MED15: variants seen among roughly 807,000 people sequenced by gnomAD.
The protein encoded by MED15 is mediator of RNA polymerase II transcription subunit 15.
In MED15, 41 loss-of-function variants were observed where a neutral mutation model predicts 118.7. That is an observed-to-expected ratio of 0.35 (90% CI 0.27 to 0.45). MED15 has a LOEUF of 0.45. MED15 is among the 20% of genes least tolerant of loss of function. The probability of loss-of-function intolerance (pLI) is 1.00; values close to 1 mark genes in which losing one functional copy is unlikely to be tolerated. For missense variants in MED15, 740 were observed against 1,025.5 expected, an observed-to-expected ratio of 0.72 and a Z score of 3.80; for synonymous variants, 436 against 413.9, an observed-to-expected ratio of 1.05 and a Z score of -0.65.
chr22:20,561,457 T>C (rs1601587573), intron 5 of MED15, among the ~76,000 whole-genome samples: 1 of 151,316 alleles, frequency 6.6e-6, no homozygotes, highest in Non-Finnish European at 1.5e-5. Flanking sequence ...GAGGCGGAGG[T>C]TGCAGTGAAC....
At chr22:20,556,288 C>T (rs376300080) in intron 5 of MED15, among the ~76,000 whole-genome samples, 6 of 149,020 alleles carry the variant, frequency 4.0e-5, no homozygotes, top group East Asian at 2.0e-4. Flanking sequence ...AGAGACTTAG[C>T]TTGGACTTCA....
At position 20,563,532 on chromosome 22, in the gene MED15, G is replaced by A. The variant is rs192911708; in HGVS notation, c.452-918G>A. 3.3e-5 allele frequency among the ~76,000 whole-genome samples: 5 copies of A among 152,344 alleles called. No homozygotes were observed. The East Asian group carries it at 9.6e-4, about 29-fold the overall frequency. Reference sequence around the variant, plus strand: ...AGTTTGCGGGTCAGGGTTGCTGAGAGAGGTGGCAACACGAGGGATCCTTGT... The same window carrying A: ...AGTTTGCGGGTCAGGGTTGCTGAGAAAGGTGGCAACACGAGGGATCCTTGT... On this transcript the variant is annotated intron_variant, in intron 5 of 17. Transcript: ENST00000263205.
rs113036548 is a variant in MED15 at position 20,517,225 on chromosome 22, CT to C, written c.68+9480del. On this transcript the variant is annotated intron_variant, in intron 1 of 17. Coordinates refer to ENST00000263205, the MANE Select transcript of MED15 (RefSeq NM_001003891.3). ...AGTGTTGGATTACAGGCATGAGCCA[CT>C]ACGCCTGGCCATCCCCAGTTATTTT... Among the ~76,000 whole-genome samples, 829 of 152,230 alleles carry C rather than the reference CT, an allele frequency of 5.4e-3. 11 individuals carry two copies. The highest frequency in any genetic ancestry group is 0.018 in the African/African-American group (746 of 41,524).
intron 8 of MED15, among the ~76,000 whole-genome samples, chr22:20,572,577 C>T (rs1424083031): frequency 1.3e-5 from 2 of 152,218 alleles, no homozygotes; most frequent in Non-Finnish European, 2.9e-5. Flanking sequence ...GGCAATGTCA[C>T]CCACAAGGGG....
chr22:20,586,559 C>G lies in MED15; in HGVS notation c.2231-9C>G, dbSNP rs770847768. 3.7e-6 allele frequency: 6 copies of G among 1,611,670 alleles called. No homozygotes were observed. The highest frequency in any genetic ancestry group is 2.5e-6 in the Non-Finnish European group (3 of 1,179,324). On this transcript the variant is annotated splice_polypyrimidine_tract_variant and intron_variant, in intron 17 of 17. Coordinates refer to ENST00000263205, the MANE Select transcript of MED15 (RefSeq NM_001003891.3). The stretch of plus-strand genomic sequence containing the variant: ...CCGCCTTAGGTTCACGCCCACTGCT[C>G]TGTTGCAGACGCCAACCCCTTCCTC...
At chr22:20,530,342 A>G (rs1393244786) in intron 1 of MED15, among the ~76,000 whole-genome samples, 1 of 152,170 alleles carries the variant, frequency 6.6e-6, no homozygotes, top group Non-Finnish European at 1.5e-5. Flanking sequence ...TGTTTCTCAA[A>G]ATTAGAAAAT....
chr22:20,517,691 A>C (rs1250402218), intron 1 of MED15, among the ~76,000 whole-genome samples: 15 of 152,074 alleles, frequency 9.9e-5, no homozygotes, highest in Admixed American at 9.8e-4. Flanking sequence ...GGATTCCTAG[A>C]TCTGTCCAGT....
intron 3 of MED15, 88 bp downstream of exon 3, chr22:20,551,575 CG>C: frequency 7.8e-7 from 1 of 1,279,738 alleles, no homozygotes; most frequent in Non-Finnish European, 1.1e-6. Flanking sequence ...CTGGGCAGGC[CG>C]TGGTGCCTGA....
intron 13 of MED15, 97 bp downstream of exon 13, chr22:20,583,490 C>A: frequency 6.9e-7 from 1 of 1,457,418 alleles, no homozygotes; most frequent in Non-Finnish European, 9.5e-7. Flanking sequence ...ACAAAGGCAC[C>A]AGGCAGCTCT....
chr22:20,570,487 G>A (rs1313107904), intron 8 of MED15, among the ~76,000 whole-genome samples: 1 of 150,806 alleles, frequency 6.6e-6, no homozygotes, highest in Non-Finnish European at 1.5e-5. Flanking sequence ...TGCCTCCTGG[G>A]TTCAGGCGAT....
chr22:20,561,734 G>A (rs1042811750), intron 5 of MED15, among the ~76,000 whole-genome samples: 47 of 152,092 alleles, frequency 3.1e-4, no homozygotes, highest in African/African-American at 1.1e-3. Context: ...ATGAAGAAAG[G>A]CCAAGTGCAG....
At position 20,584,423 on chromosome 22, in the gene MED15, G is replaced by C; in HGVS notation, c.1801G>C (p.Val601Leu). 3.1e-6 allele frequency: 5 copies of C among 1,613,696 alleles called. No individual in the cohort carries two copies. Among genetic ancestry groups the C allele is most frequent in the Non-Finnish European group, 4.2e-6 (5 of 1,179,784 alleles). ...GGAGAAACTCAAGAATGACATGGCG[G>C]TGGTGAGTGGGATGCCAGACACCCC... ...ALEKLKNDMA[V>L]PTPPPPPVPP... Residue 601 changes from valine (V) to leucine (L), a missense_variant and splice_region_variant, in exon 14 of 18, where the codon GTG (valine) becomes CTG (leucine). Val to Leu is a conservative substitution (Grantham distance 32). This residue lies in a region of MED15 where 179 missense variants were observed against 259.0 expected (regional missense o/e 0.69). Coordinates refer to ENST00000263205, the MANE Select transcript of MED15 (RefSeq NM_001003891.3).
rs1212560736 is a variant in MED15 at position 20,566,392 on chromosome 22, C to T, written c.691-75C>T. On this transcript the variant is annotated intron_variant, in intron 6 of 17. Transcript: ENST00000263205. ...ATGGCCACCTGGGCTTCCTGAGGCC[C>T]AGACTGTCACAGGGAGGAGCTGGTG... is the stretch of plus-strand genomic sequence containing the variant. 3 of 1,579,874 alleles carry T rather than the reference C, an allele frequency of 1.9e-6. No homozygotes were observed. The East Asian group carries it at 6.7e-5, about 35-fold the overall frequency.
chr22:20,524,778 T>A (rs1488759423), intron 1 of MED15, among the ~76,000 whole-genome samples: 2 of 151,414 alleles, frequency 1.3e-5, no homozygotes, highest in African/African-American at 4.8e-5. Flanking sequence ...CCTGCCACCA[T>A]GCCCAGCTAA....
chr22:20,566,390 C>G, intron 6 of MED15, 77 bp from the exon 7 acceptor site: 1 of 1,578,206 alleles, frequency 6.3e-7, no homozygotes, highest in Non-Finnish European at 8.6e-7. Context: ...CTTCCTGAGG[C>G]CCAGACTGTC....
At chr22:20,543,338 A>T (rs765062321) in intron 2 of MED15, among the ~76,000 whole-genome samples, 7 of 147,594 alleles carry the variant, frequency 4.7e-5, no homozygotes, top group Non-Finnish European at 8.9e-5. Context: ...CAGCCTCCCA[A>T]GTGGCTGGGA....
intron 5 of MED15, among the ~76,000 whole-genome samples, chr22:20,562,419 C>G (rs1262360089): frequency 1.3e-5 from 2 of 152,146 alleles, no homozygotes; most frequent in Non-Finnish European, 2.9e-5. Flanking sequence ...GAGTCTCACT[C>G]TGTCACCCAG....
intron 14 of MED15, 59 bp downstream of exon 14, chr22:20,584,484 G>A: frequency 1.9e-6 from 3 of 1,581,554 alleles, no homozygotes; most frequent in Non-Finnish European, 1.7e-6. Flanking sequence ...GCTCCTGGGA[G>A]TGCTGCTGAG....
At chr22:20,516,755 A>G (rs2054271915) in intron 1 of MED15, among the ~76,000 whole-genome samples, 1 of 152,156 alleles carries the variant, frequency 6.6e-6, no homozygotes, top group Non-Finnish European at 1.5e-5. Flanking sequence ...TAGGACAGTA[A>G]TTTCTGTTAA....
Sources: gnomAD v4.1 joint callset for allele counts (sites outside exome capture counted in the v4.1 genomes callset) on GRCh38, gnomAD v4.1.1 for gene constraint, gnomAD v4.1.1 regional missense constraint, MANE v1.5 for transcripts, NCBI Gene and HGNC (gene_info 2026-07-23, HGNC 2026-07-21) for gene names.